SYT1: variants seen among roughly 807,000 people sequenced by gnomAD.
SYT1 encodes synaptotagmin 1.
A neutral mutation model predicts 44.8 loss-of-function variants in SYT1; 8 were observed. The observed-to-expected ratio is 0.18, with a 90% CI of 0.10 to 0.32. The LOEUF (loss-of-function observed/expected upper bound fraction) is 0.32. Among genes scored for constraint, SYT1 ranks in the 10% least tolerant of loss-of-function variants. SYT1 has a pLI of 1.00. For missense variants in SYT1, 286 were observed against 509.3 expected (o/e 0.56, Z 4.22); for synonymous variants, 154 against 188.8 (o/e 0.82, Z 1.51).
At chr12:79,185,575 A>C (rs1420130463) in intron 3 of SYT1, among the ~76,000 whole-genome samples, 1 of 152,060 alleles carries the variant, frequency 6.6e-6, no homozygotes, top group African/African-American at 2.4e-5. Context: ...TAGAGACAAA[A>C]GACAAATATA....
chr12:79,267,203 G>GC (rs1463861971), intron 4 of SYT1, among the ~76,000 whole-genome samples: 2 of 152,074 alleles, frequency 1.3e-5, no homozygotes, highest in African/African-American at 2.4e-5. Flanking sequence ...GAATATATCT[G>GC]CCCCTTTAGC....
intron 2 of SYT1, among the ~76,000 whole-genome samples, chr12:79,002,578 G>A (rs189975769): frequency 6.6e-6 from 1 of 152,060 alleles, no homozygotes; most frequent in East Asian, 1.9e-4. Flanking sequence ...CAGGTAGGGA[G>A]CTACACCAAA....
chr12:78,903,374 CTCCTGGGT>C (rs578075319), intron 1 of SYT1, among the ~76,000 whole-genome samples: 141 of 152,066 alleles, frequency 9.3e-4, no homozygotes, highest in African/African-American at 3.0e-3. Context: ...CAACCTCTGC[CTCCTGGGT>C]TCAAGCTATC....
At chr12:78,956,552 A>C (rs988503858) in intron 1 of SYT1, among the ~76,000 whole-genome samples, 1 of 151,752 alleles carries the variant, frequency 6.6e-6, no homozygotes, top group Non-Finnish European at 1.5e-5. Flanking sequence ...AACAATGATG[A>C]AAATCATTTT....
rs186511012 is a variant in SYT1, at chr12:78,902,983, G to A, written c.-217+37874G>A. On this transcript the variant is annotated intron_variant, in intron 1 of 10. Coordinates refer to ENST00000261205, the MANE Select transcript of SYT1 (RefSeq NM_005639.3). ...TCTTAACTATTCAAACTCTACTAAC[G>A]TAAGTTCTGAAAGAGGAATTAGGGT... Among the ~76,000 whole-genome samples the A allele has an allele frequency of 2.1e-3, 316 of 152,184 alleles. 2 individuals are homozygous for A. Among genetic ancestry groups the A allele is most frequent in the African/African-American group, 7.1e-3 (295 of 41,536 alleles).
chr12:79,310,229 A>C (rs923987561), intron 8 of SYT1, among the ~76,000 whole-genome samples: 2 of 152,078 alleles, frequency 1.3e-5, no homozygotes, highest in East Asian at 1.9e-4. Flanking sequence ...TCAGCTTTCT[A>C]CATATGGCTA....
chr12:79,281,784 A>G (rs184839501), intron 4 of SYT1, among the ~76,000 whole-genome samples: 1 of 152,318 alleles, frequency 6.6e-6, no homozygotes, highest in Non-Finnish European at 1.5e-5. Flanking sequence ...TCTTTGTATC[A>G]CTTGAGTTCC....
intron 2 of SYT1, among the ~76,000 whole-genome samples, chr12:79,002,191 G>A (rs1870781959): frequency 6.6e-6 from 1 of 151,978 alleles, no homozygotes; most frequent in African/African-American, 2.4e-5. Flanking sequence ...ACAATCCTTT[G>A]CTGTTTAAAA....
chr12:78,898,614 G>GC (rs1040142971), intron 1 of SYT1, among the ~76,000 whole-genome samples: 1 of 151,970 alleles, frequency 6.6e-6, no homozygotes, highest in African/African-American at 2.4e-5. Context: ...ATTCATGATT[G>GC]TTTTTTCCCC....
At chr12:79,000,288 CTTTTTTT>C (rs559894598) in intron 2 of SYT1, among the ~76,000 whole-genome samples, 1 of 112,926 alleles carries the variant, frequency 8.9e-6, no homozygotes. Flanking sequence ...TTAACTGCTT[CTTTTTTT>C]TTTTTTTTTT....
chr12:79,290,531 CT>C, intron 5 of SYT1, among the ~76,000 whole-genome samples: 1 of 152,252 alleles, frequency 6.6e-6, no homozygotes, highest in East Asian at 1.9e-4. Context: ...CCTGGTTATA[CT>C]TCTTGCATTT....
At chr12:79,077,787 A>T (rs1057078587) in intron 3 of SYT1, among the ~76,000 whole-genome samples, 7 of 152,190 alleles carry the variant, frequency 4.6e-5, no homozygotes, top group Non-Finnish European at 7.4e-5. Flanking sequence ...AATGTCACAT[A>T]AAAATAAGCA....
In SYT1 at chr12:79,218,550, C is replaced by T. The variant is rs142499839; in HGVS notation, c.166+865C>T. Among the ~76,000 whole-genome samples, 433 of 152,350 alleles carry T rather than the reference C, an allele frequency of 2.8e-3. 2 individuals carry two copies. Among genetic ancestry groups the T allele is most frequent in the African/African-American group, 9.8e-3 (409 of 41,592 alleles). The stretch of plus-strand genomic sequence containing the variant: ...CACCTCCCCACAATCACCACAGCCA[C>T]TGGTAACCACCATTCTACTCTCTAC... On this transcript the variant is annotated intron_variant, in intron 4 of 10. Coordinates refer to ENST00000261205, the MANE Select transcript of SYT1 (RefSeq NM_005639.3).
intron 3 of SYT1, among the ~76,000 whole-genome samples, chr12:79,145,503 T>C (rs118178613): frequency 0.011 from 1,741 of 152,304 alleles, 20 homozygotes; most frequent in South Asian, 0.027. Flanking sequence ...CTAACAAGTG[T>C]ATGGTATGTA....
intron 3 of SYT1, among the ~76,000 whole-genome samples, chr12:79,070,807 C>A (rs774606655): frequency 3.9e-5 from 6 of 151,970 alleles, no homozygotes; most frequent in Non-Finnish European, 8.8e-5. Flanking sequence ...CATTTATTCT[C>A]GAAACCTCAA....
rs1592897046 is a variant in SYT1 at position 79,249,511 on chromosome 12, G to T, written c.166+31826G>T. ...CTCTAAAGGACATACACAACTCTATGGAAGGACTAGACTAGCAGCCCAATC... is the reference window on the plus strand; with the variant it reads ...CTCTAAAGGACATACACAACTCTATTGAAGGACTAGACTAGCAGCCCAATC... On this transcript the variant is annotated intron_variant, in intron 4 of 10. Coordinates refer to ENST00000261205, the MANE Select transcript of SYT1 (RefSeq NM_005639.3). Among the ~76,000 whole-genome samples the T allele has an allele frequency of 2.0e-5, 3 of 152,226 alleles. No homozygotes were observed. The East Asian group carries it at 5.8e-4, about 29-fold the overall frequency.
intron 3 of SYT1, among the ~76,000 whole-genome samples, chr12:79,154,529 T>C (rs1164630551): frequency 1.3e-5 from 2 of 152,038 alleles, no homozygotes; most frequent in Non-Finnish European, 2.9e-5. Flanking sequence ...ATCTATGCTT[T>C]ACACCACTGT....
intron 3 of SYT1, among the ~76,000 whole-genome samples, chr12:79,159,534 G>C (rs896110271): frequency 6.6e-6 from 1 of 152,088 alleles, no homozygotes; most frequent in Non-Finnish European, 1.5e-5. Flanking sequence ...TATTATAATT[G>C]TTCTATCTTA....
intron 8 of SYT1, among the ~76,000 whole-genome samples, chr12:79,332,882 G>GA (rs1881920090): frequency 1.3e-5 from 2 of 152,118 alleles, no homozygotes; most frequent in South Asian, 4.1e-4. Flanking sequence ...GACTGTGCAT[G>GA]AAAAAGATTT....
Sources: allele counts gnomAD v4.1 joint callset (sites outside exome capture counted in the v4.1 genomes callset), GRCh38; gene constraint gnomAD v4.1.1; transcripts MANE v1.5; gene names NCBI Gene and HGNC (gene_info 2026-07-23, HGNC 2026-07-21).